The following MACROD2 variants were observed in gnomAD, a reference collection of about 807,000 sequenced individuals.
The protein encoded by MACROD2 is mono-ADP ribosylhydrolase 2, also known as ADP-ribose glycohydrolase MACROD2.
MACROD2 carries 36 observed loss-of-function variants against 70.4 expected under a neutral mutation model. That is an observed-to-expected ratio of 0.51 (90% CI 0.39 to 0.68). MACROD2 has a LOEUF of 0.68. MACROD2 is among the 30% of genes least tolerant of loss of function. The pLI is 0.00. For missense variants in MACROD2, 496 were observed against 538.4 expected (o/e 0.92, Z 0.78); for synonymous variants, 172 against 178.8 (o/e 0.96, Z 0.30).
At chr20:15,845,822 C>T (rs2064224837) in intron 8 of MACROD2, among the ~76,000 whole-genome samples, 1 of 152,104 alleles carries the variant, frequency 6.6e-6, no homozygotes, top group Non-Finnish European at 1.5e-5. Context: ...ATTATTAGCC[C>T]TATTTAACTA....
intron 7 of MACROD2, among the ~76,000 whole-genome samples, chr20:15,438,254 A>G (rs1386595165): frequency 1.3e-5 from 2 of 152,206 alleles, no homozygotes; most frequent in Non-Finnish European, 2.9e-5. Context: ...AGGAGTCGCC[A>G]TACTACTTTC....
At chr20:14,614,039 T>A (rs1230954464) in intron 4 of MACROD2, among the ~76,000 whole-genome samples, 3 of 152,116 alleles carry the variant, frequency 2.0e-5, no homozygotes, top group Non-Finnish European at 4.4e-5. Flanking sequence ...AATATTTTTA[T>A]AAATTTTACT....
At chr20:14,052,851 A>G (rs10460642) in intron 2 of MACROD2, among the ~76,000 whole-genome samples, 1 of 152,176 alleles carries the variant, frequency 6.6e-6, no homozygotes, top group African/African-American at 2.4e-5. Flanking sequence ...AAAAGTATGC[A>G]TTAGTATGTG....
At chr20:14,515,071 G>A (rs977619716) in intron 4 of MACROD2, among the ~76,000 whole-genome samples, 2 of 151,898 alleles carry the variant, frequency 1.3e-5, no homozygotes, top group Non-Finnish European at 2.9e-5. Flanking sequence ...GAAGAAAATC[G>A]TGAAAAAAGA....
chr20:14,043,062 G>T (rs1038443919), intron 2 of MACROD2, among the ~76,000 whole-genome samples: 3 of 152,020 alleles, frequency 2.0e-5, no homozygotes, highest in Admixed American at 2.0e-4. Context: ...GGGACTGCAG[G>T]TTCACATCAC....
intron 5 of MACROD2, among the ~76,000 whole-genome samples, chr20:15,136,641 C>T (rs1313165103): frequency 6.6e-6 from 1 of 151,866 alleles, no homozygotes. Flanking sequence ...CCATTCAGGA[C>T]ATAGGCATGG....
chr20:14,337,589 GGA>G, intron 3 of MACROD2: 2 of 398,550 alleles, frequency 5.0e-6, no homozygotes, highest in Non-Finnish European at 4.4e-6. Flanking sequence ...AGTGAGCGAG[GGA>G]GAGCATTCCA....
At position 15,485,831 on chromosome 20, in the gene MACROD2, T is replaced by A. The variant is rs370884813; in HGVS notation, c.572-13943T>A. 6.8e-4 allele frequency among the ~76,000 whole-genome samples: 103 copies of A among 152,296 alleles called. 1 individual carries two copies. In the South Asian group the frequency reaches 0.016, roughly 24 times the overall value. ...AGGCATTTTCAGGAGCAGTAACTTA[T>A]GTATGGGTAAAACTTAGAAATCCAA... On this transcript the variant is annotated intron_variant, in intron 7 of 17. Transcript: ENST00000684519.
intron 5 of MACROD2, among the ~76,000 whole-genome samples, chr20:14,773,517 G>A (rs1427760386): frequency 6.6e-6 from 1 of 151,910 alleles, no homozygotes; most frequent in African/African-American, 2.4e-5. Context: ...TGTCCTGCAG[G>A]TTCTTTCATG....
At chr20:15,538,809 A>G (rs558112253) in intron 8 of MACROD2, among the ~76,000 whole-genome samples, 2 of 152,308 alleles carry the variant, frequency 1.3e-5, no homozygotes, top group East Asian at 3.9e-4. Context: ...AAAGAAAATC[A>G]GAATATTTAT....
At chr20:15,721,823 C>T (rs1296741122) in intron 8 of MACROD2, among the ~76,000 whole-genome samples, 4 of 152,038 alleles carry the variant, frequency 2.6e-5, no homozygotes, top group Admixed American at 6.5e-5. Flanking sequence ...TTCCTGATAA[C>T]CATCATCCTT....
chr20:15,643,956 G>T (rs1025108529), intron 8 of MACROD2, among the ~76,000 whole-genome samples: 1 of 152,184 alleles, frequency 6.6e-6, no homozygotes, highest in Non-Finnish European at 1.5e-5. Context: ...GAGGATGGAG[G>T]TGGGAATAAA....
In MACROD2 at chr20:14,792,918, G is replaced by A. The variant is rs529531201; in HGVS notation, c.418+107959G>A. 3.3e-5 allele frequency among the ~76,000 whole-genome samples: 5 copies of A among 151,992 alleles called. No individual in the cohort carries two copies. The South Asian group carries it at 1.0e-3, about 32-fold the overall frequency. ...TTATTTACCAATGCAAATATTTACC[G>A]AGAAGCTACCAAATAAAAGTTATTT... On this transcript the variant is annotated intron_variant, in intron 5 of 17. Coordinates refer to ENST00000684519, the MANE Select transcript of MACROD2 (RefSeq NM_001351661.2).
chr20:14,359,829 T>C (rs1417705704), intron 3 of MACROD2, among the ~76,000 whole-genome samples: 1 of 152,000 alleles, frequency 6.6e-6, no homozygotes, highest in Non-Finnish European at 1.5e-5. Flanking sequence ...ACGACTGCAC[T>C]CCAGCCTGGG....
At chr20:14,729,943 G>A (rs544403800) in intron 5 of MACROD2, among the ~76,000 whole-genome samples, 1 of 152,110 alleles carries the variant, frequency 6.6e-6, no homozygotes, top group Admixed American at 6.5e-5. Context: ...TTCTTAAGAG[G>A]TGAGAGACTA....
intron 3 of MACROD2, chr20:14,223,419 A>T (rs762484513): frequency 4.6e-5 from 7 of 152,188 alleles, no homozygotes; most frequent in Non-Finnish European, 1.0e-4. Flanking sequence ...GAAGAAGGCA[A>T]GGCTCTTATG....
chr20:14,812,079 A>G (rs2072720394), intron 5 of MACROD2, among the ~76,000 whole-genome samples: 1 of 152,112 alleles, frequency 6.6e-6, no homozygotes, highest in South Asian at 2.1e-4. Flanking sequence ...ATTACTGGGT[A>G]TATACCCAAA....
chr20:15,759,371 A>G (rs868095198), intron 8 of MACROD2, among the ~76,000 whole-genome samples: 7 of 152,326 alleles, frequency 4.6e-5, no homozygotes, highest in Middle Eastern at 3.4e-3. Context: ...ATTTAATTAC[A>G]GAAATGTGTA....
chr20:14,319,379 C>T (rs2082639429), intron 3 of MACROD2, among the ~76,000 whole-genome samples: 1 of 152,170 alleles, frequency 6.6e-6, no homozygotes, highest in Non-Finnish European at 1.5e-5. Flanking sequence ...AATATTCTTC[C>T]TGTCTTCATT....
Sources: gnomAD v4.1 joint callset for allele counts (sites outside exome capture counted in the v4.1 genomes callset) on GRCh38, gnomAD v4.1.1 for gene constraint, MANE v1.5 for transcripts, NCBI Gene and HGNC (gene_info 2026-07-23, HGNC 2026-07-21) for gene names.